COLGALT2: variants seen among roughly 807,000 people sequenced by gnomAD.
COLGALT2 encodes procollagen galactosyltransferase 2.
COLGALT2 carries 49 observed loss-of-function variants against 73.4 expected under a neutral mutation model. The ratio of observed to expected loss-of-function variants is 0.67; its 90% CI spans 0.53 to 0.85. COLGALT2 has a LOEUF of 0.85. Among genes scored for constraint, COLGALT2 ranks in the 40% least tolerant of loss-of-function variants. COLGALT2 has a pLI of 0.00. For synonymous variants in COLGALT2, 295 were observed against 307.6 expected, an observed-to-expected ratio of 0.96 and a Z score of 0.43; for missense variants, 722 against 790.2, an observed-to-expected ratio of 0.91 and a Z score of 1.03.
At chr1:183,953,135 G>A (rs997978539) in intron 7 of COLGALT2, among the ~76,000 whole-genome samples, 3 of 152,162 alleles carry the variant, frequency 2.0e-5, no homozygotes, top group Non-Finnish European at 4.4e-5. Context: ...CTGTAGCCAC[G>A]AAGTAAAAAC....
At chr1:183,994,627 G>T (rs1002131031) in intron 1 of COLGALT2, among the ~76,000 whole-genome samples, 42 of 152,058 alleles carry the variant, frequency 2.8e-4, no homozygotes, top group African/African-American at 1.0e-3. Context: ...GCCAATTTTT[G>T]TATTTTTAGT....
intron 1 of COLGALT2, among the ~76,000 whole-genome samples, chr1:184,016,481 A>G (rs772841572): frequency 4.6e-5 from 7 of 152,216 alleles, no homozygotes; most frequent in Non-Finnish European, 8.8e-5. Flanking sequence ...CTGGTGTGTG[A>G]GGTAATAAAA....
downstream of COLGALT2, among the ~76,000 whole-genome samples, chr1:183,934,878 CTT>C (rs1669915222): frequency 6.6e-6 from 1 of 152,198 alleles, no homozygotes; most frequent in Admixed American, 6.5e-5. Flanking sequence ...GGTAACCAAA[CTT>C]AGAATTCTCC....
chr1:184,032,067 CA>C (rs1275057734), intron 1 of COLGALT2, among the ~76,000 whole-genome samples: 1 of 151,974 alleles, frequency 6.6e-6, no homozygotes, highest in Admixed American at 6.6e-5. Flanking sequence ...ATGATTTTTA[CA>C]TTTCTTGTAG....
chr1:184,028,044 C>G (rs889353843), intron 1 of COLGALT2, among the ~76,000 whole-genome samples: 1 of 152,218 alleles, frequency 6.6e-6, no homozygotes, highest in Non-Finnish European at 1.5e-5. Flanking sequence ...CCTGATTCCA[C>G]TTGGCAGCAA....
intron 1 of COLGALT2, among the ~76,000 whole-genome samples, chr1:183,981,394 C>T (rs10911477): frequency 0.078 from 11,863 of 151,924 alleles, 821 homozygotes; most frequent in East Asian, 0.41. Context: ...GGCTCATGCC[C>T]GCAATTGCAG....
Position 183,936,347 on chromosome 1 carries a change from C to G in COLGALT2, c.*2414G>C. The stretch of plus-strand genomic sequence containing the variant: ...TCACATCTGCGGCTCACAGTGTTCA[C>G]CAGAAAAGAACACTGCTTGGGATTC... On this transcript the variant is annotated 3_prime_UTR_variant, in exon 12 of 12. Transcript: ENST00000361927. The G allele has an allele frequency of 1.0e-6, 1 of 976,252 alleles. No homozygotes were observed. The highest frequency in any genetic ancestry group is 1.2e-6 in the Non-Finnish European group (1 of 824,934). 60.5% of individuals were successfully genotyped at this position (976,252 alleles called of 1,614,324 possible).
At chr1:183,934,093 T>TG (rs1358014237), downstream of COLGALT2, among the ~76,000 whole-genome samples, 1 of 152,168 alleles carries the variant, frequency 6.6e-6, no homozygotes, top group Non-Finnish European at 1.5e-5. Context: ...GCCACTCTTC[T>TG]GCCCAGCAAC....
At chr1:184,000,923 G>A (rs919620903) in intron 1 of COLGALT2, among the ~76,000 whole-genome samples, 18 of 149,162 alleles carry the variant, frequency 1.2e-4, no homozygotes, top group African/African-American at 4.3e-4. Flanking sequence ...TCTGCCTCCC[G>A]GGTTCACGCC....
intron 8 of COLGALT2, among the ~76,000 whole-genome samples, chr1:183,948,325 A>G (rs937160473): frequency 6.6e-6 from 1 of 152,210 alleles, no homozygotes; most frequent in Non-Finnish European, 1.5e-5. Flanking sequence ...GAAATCTTCA[A>G]GCAAATACTA....
chr1:183,949,938 T>C (rs1670351877), intron 8 of COLGALT2, among the ~76,000 whole-genome samples: 1 of 152,214 alleles, frequency 6.6e-6, no homozygotes, highest in Non-Finnish European at 1.5e-5. Flanking sequence ...TGGAGGTATT[T>C]GAAGCAGTGG....
intron 1 of COLGALT2, among the ~76,000 whole-genome samples, chr1:183,996,243 G>A (rs1428941245): frequency 6.6e-6 from 1 of 152,104 alleles, no homozygotes; most frequent in Non-Finnish European, 1.5e-5. Flanking sequence ...TAAACCCTCA[G>A]GGAAATCACC....
At chr1:184,019,654 A>C (rs1649114448) in intron 1 of COLGALT2, among the ~76,000 whole-genome samples, 1 of 152,204 alleles carries the variant, frequency 6.6e-6, no homozygotes, top group Admixed American at 6.5e-5. Flanking sequence ...CTCAGAACTT[A>C]AGTACAAACT....
At chr1:183,964,528 A>T (rs949923989) in intron 5 of COLGALT2, 1 of 153,816 alleles carries the variant, frequency 6.5e-6, no homozygotes, top group African/African-American at 2.4e-5. Flanking sequence ...ATTCTCCAAG[A>T]TTCTCCCTGG....
intron 1 of COLGALT2, among the ~76,000 whole-genome samples, chr1:183,994,381 G>A (rs1199391703): frequency 2.6e-5 from 4 of 151,744 alleles, no homozygotes; most frequent in Admixed American, 1.3e-4. Context: ...GGTATTCTCC[G>A]TATCTTATGG....
downstream of COLGALT2, among the ~76,000 whole-genome samples, chr1:183,935,176 A>T (rs1483497925): frequency 1.3e-5 from 2 of 151,974 alleles, no homozygotes; most frequent in East Asian, 3.9e-4. Context: ...CCCAAATGTC[A>T]CCTTCTCAGC....
chr1:184,027,988 T>C (rs1649381228), intron 1 of COLGALT2, among the ~76,000 whole-genome samples: 1 of 152,188 alleles, frequency 6.6e-6, no homozygotes, highest in South Asian at 2.1e-4. Flanking sequence ...GCGTGGAAGC[T>C]GCATATAAGC....
intron 11 of COLGALT2, 125 bp from the exon 12 acceptor site, chr1:183,939,162 T>C (rs548194705): frequency 2.9e-6 from 2 of 687,332 alleles, no homozygotes; most frequent in African/African-American, 1.8e-5. Context: ...ATTGTGTCAT[T>C]TGTGAAAAAC....
At chr1:184,026,771 A>C (rs529764537) in intron 1 of COLGALT2, among the ~76,000 whole-genome samples, 2 of 152,320 alleles carry the variant, frequency 1.3e-5, no homozygotes, top group African/African-American at 4.8e-5. Context: ...AATTAAATAC[A>C]AGAAACAAAG....
Sources: allele counts gnomAD v4.1 joint callset (sites outside exome capture counted in the v4.1 genomes callset), GRCh38; gene constraint gnomAD v4.1.1; transcripts MANE v1.5; gene names NCBI Gene and HGNC (gene_info 2026-07-23, HGNC 2026-07-21).